The following TENM2 variants were observed in gnomAD, a reference collection of about 807,000 sequenced individuals.
The protein encoded by TENM2 is teneurin transmembrane protein 2.
TENM2 carries 52 observed loss-of-function variants against 245.2 expected under a neutral mutation model. The observed-to-expected ratio is 0.21, with a 90% CI of 0.17 to 0.27. The LOEUF (loss-of-function observed/expected upper bound fraction) is 0.27, where lower values mean the gene tolerates loss of function less well. Ranked by LOEUF, TENM2 falls within the 10% of genes least tolerant of loss-of-function variation. The pLI is 1.00. For missense variants in TENM2, 3,046 were observed against 3,666.8 expected, an observed-to-expected ratio of 0.83 and a Z score of 4.37; for synonymous variants, 1,363 against 1,438.9, an observed-to-expected ratio of 0.95 and a Z score of 1.19.
chr5:168,261,985 G>T, intron 28 of TENM2, 64 bp from the exon 31 acceptor site: 1 of 1,505,246 alleles, frequency 6.6e-7, no homozygotes, highest in South Asian at 1.2e-5. Context: ...TTCTCTTTGT[G>T]ACTCTTTTTG....
At chr5:168,190,641 T>G in intron 14 of TENM2, 94 bp downstream of exon 16, 1 of 1,149,692 alleles carries the variant, frequency 8.7e-7, no homozygotes, top group Non-Finnish European at 1.3e-6. Flanking sequence ...GGGACCCAAT[T>G]GGCCTGGAAT....
At chr5:167,084,327 T>TTTTATATA in the TENM2 span, among the ~76,000 whole-genome samples, 26 of 23,178 alleles carry the variant, frequency 1.1e-3, no homozygotes, top group Middle Eastern at 0.033. Context: ...GCCATTTTAG[T>TTTTATATA]TATATATATA....
intron 1 of TENM2, among the ~76,000 whole-genome samples, chr5:167,324,056 CTTAA>C (rs984320248): frequency 2.1e-4 from 32 of 152,262 alleles, no homozygotes; most frequent in Non-Finnish European, 4.1e-4. Context: ...GGATCATGAC[CTTAA>C]TTAAGTTAGT....
chr5:167,946,626 C>G (rs77229179), intron 3 of TENM2, among the ~76,000 whole-genome samples: 3,820 of 152,212 alleles, frequency 0.025, 60 homozygotes, highest in Non-Finnish European at 0.039. Flanking sequence ...GGGCAGGGGA[C>G]CTGTTTCCTC....
intron 1 of TENM2, among the ~76,000 whole-genome samples, chr5:167,345,854 T>C (rs1438187244): frequency 6.9e-6 from 1 of 144,068 alleles, no homozygotes; most frequent in Non-Finnish European, 1.5e-5. Flanking sequence ...ATAATCTGAT[T>C]AGCTCTCATC....
the TENM2 span, among the ~76,000 whole-genome samples, chr5:167,060,650 C>CAA: frequency 2.9e-5 from 3 of 101,746 alleles, no homozygotes; most frequent in African/African-American, 7.4e-5. Context: ...GACCTTCTCT[C>CAA]AAAAAAAAAA....
chr5:168,034,187 A>G (rs1261276255), intron 5 of TENM2, among the ~76,000 whole-genome samples: 4 of 147,384 alleles, frequency 2.7e-5, no homozygotes, highest in Non-Finnish European at 6.0e-5. Context: ...ACACACACAC[A>G]CAAAAATTAA....
the TENM2 span, among the ~76,000 whole-genome samples, chr5:167,057,021 T>A: frequency 6.6e-6 from 1 of 152,116 alleles, no homozygotes; most frequent in African/African-American, 2.4e-5. Context: ...GTTCTTTTTT[T>A]CCATGTGCTG....
At chr5:167,387,667 C>T (rs769028678) in intron 2 of TENM2, among the ~76,000 whole-genome samples, 14 of 152,074 alleles carry the variant, frequency 9.2e-5, no homozygotes, top group Non-Finnish European at 1.5e-4. Flanking sequence ...TCATAGGTGG[C>T]TTTTATTATT....
At chr5:167,206,330 C>T in the TENM2 span, among the ~76,000 whole-genome samples, 44 of 152,268 alleles carry the variant, frequency 2.9e-4, no homozygotes, top group African/African-American at 9.9e-4. Flanking sequence ...TTATTTCTCT[C>T]CCTGCCTTCC....
At chr5:167,754,810 C>A in intron 2 of TENM2, 1 of 384,416 alleles carries the variant, frequency 2.6e-6, no homozygotes, top group Non-Finnish European at 4.7e-6. Context: ...GCAGGACTTG[C>A]GGTTGGCATT....
At chr5:167,878,274 C>T (rs896200847) in intron 3 of TENM2, among the ~76,000 whole-genome samples, 2 of 152,124 alleles carry the variant, frequency 1.3e-5, no homozygotes, top group African/African-American at 4.8e-5. Flanking sequence ...GTCCATTTTT[C>T]GTCACTCACA....
chr5:168,228,309 A>G (rs772277497), intron 25 of TENM2, among the ~76,000 whole-genome samples, 179 bp downstream of exon 27: 18 of 152,112 alleles, frequency 1.2e-4, no homozygotes, highest in Non-Finnish European at 2.4e-4. Context: ...TGGAAAAGGC[A>G]AACTCTCCAC....
intron 2 of TENM2, among the ~76,000 whole-genome samples, chr5:167,831,408 T>C (rs964104959): frequency 4.0e-5 from 6 of 151,646 alleles, no homozygotes; most frequent in African/African-American, 1.5e-4. Context: ...CATGTTATAT[T>C]CCTAGTGGTT....
intron 3 of TENM2, among the ~76,000 whole-genome samples, chr5:167,882,923 T>C (rs1294808796): frequency 2.0e-5 from 3 of 152,204 alleles, no homozygotes; most frequent in Non-Finnish European, 4.4e-5. Context: ...CTTCTTGTTC[T>C]AGTATTCTGT....
intron 12 of TENM2, among the ~76,000 whole-genome samples, chr5:168,154,701 C>A (rs1190963917): frequency 6.6e-6 from 1 of 152,124 alleles, no homozygotes; most frequent in Non-Finnish European, 1.5e-5. Flanking sequence ...CAGCTGGAGG[C>A]AAATTTATAT....
intron 2 of TENM2, among the ~76,000 whole-genome samples, chr5:167,764,687 A>T (rs1459708752): frequency 1.3e-5 from 2 of 152,128 alleles, no homozygotes; most frequent in Admixed American, 1.3e-4. Context: ...TTGACTCTTT[A>T]CTGTCCCAGT....
At chr5:167,019,347 G>A in the TENM2 span, among the ~76,000 whole-genome samples, 1 of 152,194 alleles carries the variant, frequency 6.6e-6, no homozygotes. Flanking sequence ...TGCTGAGTAA[G>A]AAGGCAAAAT....
intron 4 of TENM2, among the ~76,000 whole-genome samples, chr5:167,983,612 G>T (rs778427942): frequency 7.2e-5 from 11 of 152,150 alleles, no homozygotes; most frequent in Non-Finnish European, 1.3e-4. Flanking sequence ...TCGAAGCTTA[G>T]GGAACTATGA....
Sources: gnomAD v4.1 joint callset for allele counts (sites outside exome capture counted in the v4.1 genomes callset) on GRCh38, gnomAD v4.1.1 for gene constraint, MANE v1.5 for transcripts, NCBI Gene and HGNC (gene_info 2026-07-23, HGNC 2026-07-21) for gene names.